RGL1: variants seen among roughly 807,000 people sequenced by gnomAD.
RGL1 encodes ral guanine nucleotide dissociation stimulator like 1.
In RGL1, 24 loss-of-function variants were observed where a neutral mutation model predicts 95.2. That is an observed-to-expected ratio of 0.25 (90% confidence interval 0.18 to 0.35). The LOEUF (loss-of-function observed/expected upper bound fraction) is 0.35, where lower values mean the gene tolerates loss of function less well. Among genes scored for constraint, RGL1 ranks in the 10% least tolerant of loss-of-function variants. The pLI, the probability that RGL1 is intolerant of heterozygous loss-of-function variation, is 1.00. For missense variants in RGL1, 715 were observed against 936.3 expected, an observed-to-expected ratio of 0.76 and a Z score of 3.08; for synonymous variants, 329 against 344.9, an observed-to-expected ratio of 0.95 and a Z score of 0.51.
At position 183,897,990 on chromosome 1, in the gene RGL1, AGG is replaced by A. The variant is rs1406960943; in HGVS notation, c.1230+95_1230+96del. On this transcript the variant is annotated intron_variant, in intron 10 of 17. Coordinates refer to ENST00000360851, the MANE Select transcript of RGL1 (RefSeq NM_001297671.3). ...CATGGCACTGGCACCTTCAGTCAACAGGGCACCCAGGCTTTCAGAAAGGGTCT... is the reference window on the plus strand; with the variant it reads ...CATGGCACTGGCACCTTCAGTCAACAGCACCCAGGCTTTCAGAAAGGGTCT... The A allele has an allele frequency of 2.2e-5, 21 of 974,234 alleles. No individual in the cohort carries two copies. The African/African-American group carries it at 3.3e-4, about 15-fold the overall frequency. 60.3% of individuals were successfully genotyped at this position (974,234 alleles called of 1,614,324 possible).
upstream of RGL1, chr1:183,805,107 C>T (rs1236367741): frequency 1.2e-5 from 7 of 586,496 alleles, no homozygotes; most frequent in African/African-American, 2.0e-5. Flanking sequence ...CGCTCGCTCG[C>T]CGCGCTCCCT....
In RGL1 at chr1:183,928,525, C is replaced by G. The variant is rs1470694797; in HGVS notation, c.*2233C>G. On this transcript the variant is annotated 3_prime_UTR_variant, in exon 18 of 18. Coordinates refer to ENST00000360851, the MANE Select transcript of RGL1 (RefSeq NM_001297671.3). ...CTTGGCTGGCATGTGCTGCCAGACC[C>G]AAAGGGATTGTATCTGGATTATTAA... The G allele has an allele frequency of 1.3e-5, 2 of 152,448 alleles. No homozygotes were observed. Among genetic ancestry groups the G allele is most frequent in the African/African-American group, 4.8e-5 (2 of 41,356 alleles). 9.4% of individuals were successfully genotyped at this position (152,448 alleles called of 1,614,324 possible). A position where few individuals can be genotyped will look rare whatever the true frequency, so the allele number is the denominator to read the frequency against.
chr1:183,813,392 G>A (rs1572445612), intron 2 of RGL1, among the ~76,000 whole-genome samples: 1 of 152,246 alleles, frequency 6.6e-6, no homozygotes, highest in Non-Finnish European at 1.5e-5. Flanking sequence ...ATCCAGGCAT[G>A]CCTGATGTGT....
upstream of RGL1, among the ~76,000 whole-genome samples, chr1:183,804,960 C>G (rs993601662): frequency 6.6e-6 from 1 of 152,210 alleles, no homozygotes; most frequent in African/African-American, 2.4e-5. Context: ...GTTTCCCAAT[C>G]ACCTTCAGAA....
At chr1:183,905,537 G>A (rs761416805) in intron 13 of RGL1, among the ~76,000 whole-genome samples, 17 of 152,178 alleles carry the variant, frequency 1.1e-4, no homozygotes, top group Non-Finnish European at 1.3e-4. Flanking sequence ...CATAAGAACC[G>A]GAAGAGAACA....
At position 183,926,380 on chromosome 1, in the gene RGL1, G is replaced by A. The variant is rs1197618432; in HGVS notation, c.*88G>A. 8 of 1,130,376 alleles carry A rather than the reference G, an allele frequency of 7.1e-6. No individual in the cohort carries two copies. Among genetic ancestry groups the A allele is most frequent in the South Asian group, 3.2e-5 (2 of 62,864 alleles). 70.0% of individuals were successfully genotyped at this position (1,130,376 alleles called of 1,614,324 possible). A position where few individuals can be genotyped will look rare whatever the true frequency, so the allele number is the denominator to read the frequency against. ...TGATTGCAATTACCATCCGGTGTTCGAGGATCATTGGTGAAGTCAGCAGAT... is the reference window on the plus strand; with the variant it reads ...TGATTGCAATTACCATCCGGTGTTCAAGGATCATTGGTGAAGTCAGCAGAT... On this transcript the variant is annotated 3_prime_UTR_variant, in exon 18 of 18. Coordinates refer to ENST00000360851, the MANE Select transcript of RGL1 (RefSeq NM_001297671.3).
At chr1:183,826,532 G>T (rs530567143) in intron 2 of RGL1, among the ~76,000 whole-genome samples, 1 of 152,120 alleles carries the variant, frequency 6.6e-6, no homozygotes. Context: ...TGGAAGACAC[G>T]TGATTATTTG....
chr1:183,835,668 T>C (rs1203420647), intron 2 of RGL1, among the ~76,000 whole-genome samples: 1 of 152,192 alleles, frequency 6.6e-6, no homozygotes, highest in Non-Finnish European at 1.5e-5. Flanking sequence ...TTTCAGTCAG[T>C]GTCAAGAGGT....
At chr1:183,675,961 C>T (rs1234999052) in intron 1 of RGL1, among the ~76,000 whole-genome samples, 1 of 151,984 alleles carries the variant, frequency 6.6e-6, no homozygotes, top group Non-Finnish European at 1.5e-5. Flanking sequence ...GCCTCGGCAA[C>T]GTAATGAGCA....
At chr1:183,924,934 GC>G (rs1281524316) in intron 17 of RGL1, among the ~76,000 whole-genome samples, 2 of 151,842 alleles carry the variant, frequency 1.3e-5, no homozygotes, top group African/African-American at 2.4e-5. Flanking sequence ...CCACTGCACT[GC>G]AGCCTGGGCA....
chr1:183,758,954 T>A (rs1220317710), intron 2 of RGL1, among the ~76,000 whole-genome samples: 1 of 152,218 alleles, frequency 6.6e-6, no homozygotes, highest in Non-Finnish European at 1.5e-5. Context: ...AGCTATTAAT[T>A]GGGGTCTAAT....
At chr1:183,881,320 AC>A (rs1666814733) in intron 5 of RGL1, among the ~76,000 whole-genome samples, 1 of 152,198 alleles carries the variant, frequency 6.6e-6, no homozygotes, top group Non-Finnish European at 1.5e-5. Context: ...GAAAAGCATC[AC>A]TGTAACGGGT....
intron 1 of RGL1, among the ~76,000 whole-genome samples, chr1:183,654,130 A>C (rs1016633104): frequency 6.6e-6 from 1 of 152,160 alleles, no homozygotes; most frequent in South Asian, 2.1e-4. Context: ...GCCTGTTTCC[A>C]CTGTCAGACT....
intron 1 of RGL1, among the ~76,000 whole-genome samples, chr1:183,650,842 G>A (rs1437447633): frequency 6.6e-6 from 1 of 151,800 alleles, no homozygotes; most frequent in African/African-American, 2.4e-5. Flanking sequence ...TGAGAAGGGA[G>A]CATTGGTATT....
chr1:183,667,743 A>T (rs9633304), intron 1 of RGL1, among the ~76,000 whole-genome samples: 12,445 of 151,822 alleles, frequency 0.082, 999 homozygotes, highest in African/African-American at 0.21. Flanking sequence ...ACACTTTTTC[A>T]ACCTTTTATA....
intron 1 of RGL1, among the ~76,000 whole-genome samples, chr1:183,726,738 G>C (rs1656334370): frequency 3.3e-5 from 5 of 152,122 alleles, no homozygotes; most frequent in Admixed American, 3.3e-4. Context: ...AAATATAAGT[G>C]ACAATCCCTT....
chr1:183,711,571 G>A (rs759613003), intron 1 of RGL1, among the ~76,000 whole-genome samples: 1 of 152,144 alleles, frequency 6.6e-6, no homozygotes, highest in African/African-American at 2.4e-5. Flanking sequence ...AGGTTGAATG[G>A]GGTACAAAGG....
intron 4 of RGL1, among the ~76,000 whole-genome samples, chr1:183,874,428 C>T (rs1473770848): frequency 6.6e-6 from 1 of 152,138 alleles, no homozygotes; most frequent in Non-Finnish European, 1.5e-5. Context: ...CATCCTACTC[C>T]GGGCCCTCTC....
chr1:183,757,877 A>G (rs1658440150), intron 2 of RGL1, among the ~76,000 whole-genome samples: 1 of 152,236 alleles, frequency 6.6e-6, no homozygotes, highest in African/African-American at 2.4e-5. Context: ...TAATCTCCTC[A>G]TGAAGCAAAC....
Sources: allele counts gnomAD v4.1 joint callset (sites outside exome capture counted in the v4.1 genomes callset), GRCh38; gene constraint gnomAD v4.1.1; transcripts MANE v1.5; gene names NCBI Gene and HGNC (gene_info 2026-07-23, HGNC 2026-07-21).